TBC1D4: variants seen among roughly 807,000 people sequenced by gnomAD.
TBC1D4 encodes TBC (Tre-2, BUB2, CDC16) domain-containing protein.
TBC1D4 carries 121 observed loss-of-function variants against 142.5 expected under a neutral mutation model. That is an observed-to-expected ratio of 0.85 (90% confidence interval 0.73 to 0.99). TBC1D4 has a LOEUF of 0.99. TBC1D4 is among the 50% of genes least tolerant of loss of function. The probability of loss-of-function intolerance (pLI) is 0.00; values close to 1 mark genes in which losing one functional copy is unlikely to be tolerated. For synonymous variants in TBC1D4, 630 were observed against 628.2 expected (o/e 1.00, Z -0.04); for missense variants, 1,475 against 1,606.6 (o/e 0.92, Z 1.40).
intron 1 of TBC1D4, among the ~76,000 whole-genome samples, chr13:75,464,622 T>C (rs1012073556): frequency 2.6e-5 from 4 of 152,254 alleles, no homozygotes; most frequent in African/African-American, 9.6e-5. Context: ...GGTGTGTGTC[T>C]TTAATTCCTC....
intron 12 of TBC1D4, among the ~76,000 whole-genome samples, chr13:75,318,860 T>C (rs980323037): frequency 1.3e-5 from 2 of 152,178 alleles, no homozygotes; most frequent in African/African-American, 2.4e-5. Flanking sequence ...GTTTAGTATA[T>C]TGGAATTTAA....
Position 75,286,435 on chromosome 13 carries a change from T to C in TBC1D4, c.*357A>G, listed in dbSNP as rs1874673374. The C allele has an allele frequency of 1.6e-5, 3 of 186,796 alleles. No individual in the cohort carries two copies. Among genetic ancestry groups the C allele is most frequent in the South Asian group, 1.3e-4 (1 of 7,896 alleles). The allele number at this position is 186,796 out of a possible 1,614,324, so 11.6% of individuals were successfully genotyped here. ...ACTATAAAGACAAAAAGATTTCACA[T>C]ATGTCCAAGGGAAATTTCAGTTTAC... On this transcript the variant is annotated 3_prime_UTR_variant, in exon 21 of 21. Coordinates refer to ENST00000377636, the MANE Select transcript of TBC1D4 (RefSeq NM_014832.5).
At chr13:75,460,838 A>G (rs1229919076) in intron 1 of TBC1D4, among the ~76,000 whole-genome samples, 1 of 152,094 alleles carries the variant, frequency 6.6e-6, no homozygotes, top group Non-Finnish European at 1.5e-5. Context: ...TGGGAGGATC[A>G]CTTGAGCCTG....
At chr13:75,384,985 T>C (rs997230519) in intron 1 of TBC1D4, among the ~76,000 whole-genome samples, 3 of 152,228 alleles carry the variant, frequency 2.0e-5, no homozygotes, top group African/African-American at 4.8e-5. Flanking sequence ...AAATCTTCCA[T>C]GCAAATTGCC....
intron 8 of TBC1D4, among the ~76,000 whole-genome samples, 159 bp downstream of exon 8, chr13:75,336,761 GA>G (rs547165653): frequency 4.6e-5 from 7 of 151,622 alleles, no homozygotes; most frequent in African/African-American, 1.5e-4. Flanking sequence ...AAAAACAAAA[GA>G]AAAAAAGATC....
intron 6 of TBC1D4, 105 bp from the exon 7 acceptor site, chr13:75,341,340 C>A: frequency 2.3e-6 from 3 of 1,330,004 alleles, no homozygotes; most frequent in Admixed American, 1.8e-5. Flanking sequence ...TAACTTCGCT[C>A]AGAAGCAAAA....
intron 16 of TBC1D4, among the ~76,000 whole-genome samples, chr13:75,301,221 A>G (rs1219891070): frequency 1.3e-5 from 2 of 152,178 alleles, no homozygotes; most frequent in Non-Finnish European, 2.9e-5. Context: ...ATGCCAATAT[A>G]TAATATTTAA....
At chr13:75,470,719 T>C (rs73221960) in intron 1 of TBC1D4, among the ~76,000 whole-genome samples, 10,140 of 152,220 alleles carry the variant, frequency 0.067, 386 homozygotes, top group Admixed American at 0.11. Flanking sequence ...TGGCCAGGCA[T>C]GGTGGCCTGT....
intron 1 of TBC1D4, 55 bp downstream of exon 1, chr13:75,481,215 C>CACCCCCAA: frequency 8.0e-7 from 1 of 1,244,438 alleles, no homozygotes. Flanking sequence ...TCCCGCCCTG[C>CACCCCCAA]TCCCCGATCC....
At chr13:75,301,517 T>C (rs1593883154) in intron 16 of TBC1D4, among the ~76,000 whole-genome samples, 1 of 151,300 alleles carries the variant, frequency 6.6e-6, no homozygotes, top group South Asian at 2.1e-4. Context: ...TGGTGGCTGG[T>C]GCCTGTAGTC....
At chr13:75,468,532 G>GAA (rs11434178) in intron 1 of TBC1D4, among the ~76,000 whole-genome samples, 5 of 146,120 alleles carry the variant, frequency 3.4e-5, no homozygotes, top group East Asian at 2.0e-4. Flanking sequence ...GATCAGGAGG[G>GAA]AAAAAAAAAA....
At chr13:75,416,948 C>A (rs925767261) in intron 1 of TBC1D4, among the ~76,000 whole-genome samples, 1 of 152,178 alleles carries the variant, frequency 6.6e-6, no homozygotes, top group Non-Finnish European at 1.5e-5. Context: ...AACTGCCCTG[C>A]AAGTATCTTT....
At chr13:75,411,705 T>A (rs546685901) in intron 1 of TBC1D4, among the ~76,000 whole-genome samples, 14 of 152,102 alleles carry the variant, frequency 9.2e-5, no homozygotes, top group South Asian at 2.1e-4. Context: ...TTATTTTTTT[T>A]TTTTTTCTTT....
At chr13:75,446,042 G>C (rs1408133150) in intron 1 of TBC1D4, among the ~76,000 whole-genome samples, 1 of 152,190 alleles carries the variant, frequency 6.6e-6, no homozygotes, top group East Asian at 1.9e-4. Flanking sequence ...GAATGTTTAA[G>C]TATTTTTGAC....
intron 4 of TBC1D4, 115 bp downstream of exon 4, chr13:75,356,032 G>A (rs1041098676): frequency 9.5e-5 from 74 of 782,172 alleles, no homozygotes; most frequent in East Asian, 2.1e-4. Context: ...ATTTCTAGAC[G>A]CCTTCTTCTT....
At chr13:75,414,388 G>A (rs1462129793) in intron 1 of TBC1D4, among the ~76,000 whole-genome samples, 1 of 152,178 alleles carries the variant, frequency 6.6e-6, no homozygotes, top group Non-Finnish European at 1.5e-5. Context: ...AGACTGAGAA[G>A]TCCAGACCAC....
intron 1 of TBC1D4, among the ~76,000 whole-genome samples, chr13:75,409,728 C>G (rs1885515181): frequency 6.6e-6 from 1 of 152,182 alleles, no homozygotes; most frequent in Admixed American, 6.5e-5. Context: ...CAAAGGCTTT[C>G]AAGGAGGCAA....
At chr13:75,313,538 G>T (rs1051248579) in intron 12 of TBC1D4, among the ~76,000 whole-genome samples, 1 of 152,142 alleles carries the variant, frequency 6.6e-6, no homozygotes, top group African/African-American at 2.4e-5. Flanking sequence ...CATTTATTTT[G>T]TGAGATAAGG....
chr13:75,380,589 A>C (rs1372106906), intron 1 of TBC1D4, among the ~76,000 whole-genome samples: 1 of 152,004 alleles, frequency 6.6e-6, no homozygotes, highest in Non-Finnish European at 1.5e-5. Context: ...ACAAACAATC[A>C]ATCCCTATTT....
Sources: allele counts gnomAD v4.1 joint callset (sites outside exome capture counted in the v4.1 genomes callset), GRCh38; gene constraint gnomAD v4.1.1; transcripts MANE v1.5; gene names NCBI Gene and HGNC (gene_info 2026-07-23, HGNC 2026-07-21).